The following PTPRG variants were observed in gnomAD, a reference collection of about 807,000 sequenced individuals.
PTPRG encodes protein tyrosine phosphatase receptor type G.
PTPRG carries 102 observed loss-of-function variants against 165.3 expected under a neutral mutation model. That is an observed-to-expected ratio of 0.62 (90% CI 0.53 to 0.73). The LOEUF is 0.73. PTPRG is among the 30% of genes least tolerant of loss of function. The probability of loss-of-function intolerance (pLI) is 0.00; values close to 1 mark genes in which losing one functional copy is unlikely to be tolerated. For synonymous variants in PTPRG, 675 were observed against 669.5 expected, an observed-to-expected ratio of 1.01 and a Z score of -0.13; for missense variants, 1,866 against 1,861.4, an observed-to-expected ratio of 1.00 and a Z score of -0.05.
At chr3:61,729,124 G>C (rs1017926125) in intron 1 of PTPRG, among the ~76,000 whole-genome samples, 4 of 152,010 alleles carry the variant, frequency 2.6e-5, no homozygotes, top group African/African-American at 9.7e-5. Context: ...TAGCTAAAGG[G>C]GCTTACAGAA....
At chr3:62,188,502 C>A in intron 8 of PTPRG, among the ~76,000 whole-genome samples, 1 of 152,184 alleles carries the variant, frequency 6.6e-6, no homozygotes, top group East Asian at 1.9e-4. Flanking sequence ...TGTTCACAAT[C>A]GTTTTCTCTG....
intron 18 of PTPRG, 30 bp downstream of exon 18, chr3:62,267,522 T>C (rs1701920307): frequency 1.3e-6 from 2 of 1,574,310 alleles, no homozygotes; most frequent in African/African-American, 2.7e-5. Context: ...ATAAACCTGT[T>C]TCTAGAAATT....
rs138235368 is a variant in PTPRG at position 61,882,626 on chromosome 3, C to T, written c.191-106999C>T. Reference sequence around the variant, plus strand: ...TGTCAAAAGTGATGTCTTAGAATTACATATCTAAATACCTTGCACATCATG... The same window carrying T: ...TGTCAAAAGTGATGTCTTAGAATTATATATCTAAATACCTTGCACATCATG... On this transcript the variant is annotated intron_variant, in intron 2 of 29. Transcript: ENST00000474889. Among the ~76,000 whole-genome samples the T allele has an allele frequency of 1.3e-3, 199 of 152,286 alleles. 1 individual carries two copies. The highest frequency in any genetic ancestry group is 4.5e-3 in the African/African-American group (186 of 41,572).
At chr3:61,730,726 G>C (rs1459745528) in intron 1 of PTPRG, among the ~76,000 whole-genome samples, 1 of 152,180 alleles carries the variant, frequency 6.6e-6, no homozygotes, top group Non-Finnish European at 1.5e-5. Context: ...AAGATGAGTG[G>C]TCATGTGGTG....
At chr3:61,678,149 C>G (rs566636797) in intron 1 of PTPRG, among the ~76,000 whole-genome samples, 67 of 152,228 alleles carry the variant, frequency 4.4e-4, no homozygotes, top group African/African-American at 1.5e-3. Context: ...GTCTCATAAG[C>G]AAACCAAAGG....
chr3:61,880,622 C>CAAAAAAA (rs35846878), intron 2 of PTPRG, among the ~76,000 whole-genome samples: 5 of 80,236 alleles, frequency 6.2e-5, no homozygotes, highest in African/African-American at 2.2e-4. Context: ...AACCCTGTCT[C>CAAAAAAA]AAAAAAAAAA....
chr3:61,778,426 G>T (rs1032789052), intron 2 of PTPRG, among the ~76,000 whole-genome samples: 5 of 152,158 alleles, frequency 3.3e-5, no homozygotes, highest in Non-Finnish European at 7.3e-5. Context: ...CAACTAATCA[G>T]AGATACTTTC....
chr3:61,712,051 G>A (rs906216078), intron 1 of PTPRG, among the ~76,000 whole-genome samples: 7 of 151,870 alleles, frequency 4.6e-5, no homozygotes, highest in Non-Finnish European at 8.8e-5. Context: ...CTGCTACCAT[G>A]CCCAGTTAAT....
chr3:62,124,501 C>G, intron 5 of PTPRG: 1 of 1,592,406 alleles, frequency 6.3e-7, no homozygotes, highest in Non-Finnish European at 8.6e-7. Flanking sequence ...TCATGTTTTA[C>G]AGCAGGCTCA....
intron 2 of PTPRG, among the ~76,000 whole-genome samples, chr3:61,812,178 A>G (rs1184889347): frequency 6.6e-6 from 1 of 151,878 alleles, no homozygotes; most frequent in East Asian, 2.0e-4. Flanking sequence ...TTTTCTGGCA[A>G]CTTCTTCCTG....
At chr3:61,908,121 TAAAAAAAAAA>T (rs1183592777) in intron 2 of PTPRG, among the ~76,000 whole-genome samples, 2 of 67,152 alleles carry the variant, frequency 3.0e-5, no homozygotes, top group Non-Finnish European at 5.4e-5. Flanking sequence ...CACCTCTCTT[TAAAAAAAAAA>T]AAAAAAAAAA....
Position 61,870,558 on chromosome 3 carries a change from ATT to A in PTPRG, c.191-119050_191-119049del, listed in dbSNP as rs71100986. Among the ~76,000 whole-genome samples, 227 of 48,306 alleles carry A rather than the reference ATT, an allele frequency of 4.7e-3. 9 individuals carry two copies. Among genetic ancestry groups the A allele is most frequent in the African/African-American group, 0.014 (171 of 12,602 alleles). The allele number at this position is 48,306 out of a possible 152,430, so 31.7% of individuals were successfully genotyped here. ...TTTTTTGTATTTTTAGTAGAGATGG[ATT>A]TTTTTTTTTTTTTTTTAACCATGTT... On this transcript the variant is annotated intron_variant, in intron 2 of 29. Transcript: ENST00000474889.
intron 12 of PTPRG, among the ~76,000 whole-genome samples, chr3:62,216,533 G>C (rs1700509710): frequency 6.6e-6 from 1 of 151,778 alleles, no homozygotes; most frequent in African/African-American, 2.4e-5. Context: ...CCAGGTCTTT[G>C]AGATTCCCCC....
chr3:61,573,129 T>C (rs1158534564), intron 1 of PTPRG, among the ~76,000 whole-genome samples: 1 of 152,232 alleles, frequency 6.6e-6, no homozygotes, highest in Non-Finnish European at 1.5e-5. Flanking sequence ...ACTTCCCTGG[T>C]TGATTTGAAT....
At chr3:62,164,913 C>G (rs551460082) in intron 7 of PTPRG, among the ~76,000 whole-genome samples, 10 of 152,212 alleles carry the variant, frequency 6.6e-5, no homozygotes, top group Admixed American at 2.6e-4. Flanking sequence ...TCTGGCATCT[C>G]AGAGATTAAA....
intron 12 of PTPRG, among the ~76,000 whole-genome samples, chr3:62,215,552 C>CT (rs67782375): frequency 1.4e-5 from 2 of 141,474 alleles, no homozygotes; most frequent in African/African-American, 2.6e-5. Flanking sequence ...GGGAACCCCC[C>CT]CCCCCCGCCA....
chr3:62,120,984 G>A lies in PTPRG; in HGVS notation c.616-11618G>A, dbSNP rs920498430. On this transcript the variant is annotated intron_variant, in intron 5 of 29. Coordinates refer to ENST00000474889, the MANE Select transcript of PTPRG (RefSeq NM_002841.4). Reference sequence around the variant, plus strand: ...TTTTCACAAGACAGCCAGCTCTGTCGCCCAGGCTGGAGTGCAGTGGCCCTA... The same window carrying A: ...TTTTCACAAGACAGCCAGCTCTGTCACCCAGGCTGGAGTGCAGTGGCCCTA... Among the ~76,000 whole-genome samples the A allele has an allele frequency of 1.6e-4, 25 of 151,818 alleles. No homozygotes were observed. In the South Asian group the frequency reaches 1.9e-3, roughly 11 times the overall value.
chr3:62,253,939 CA>C (rs1251417485), intron 15 of PTPRG, among the ~76,000 whole-genome samples: 1 of 152,162 alleles, frequency 6.6e-6, no homozygotes, highest in Non-Finnish European at 1.5e-5. Flanking sequence ...CTTCCTAAAA[CA>C]AAGTATAAGA....
At chr3:62,082,381 C>A (rs13098574) in intron 5 of PTPRG, among the ~76,000 whole-genome samples, 3 of 151,996 alleles carry the variant, frequency 2.0e-5, no homozygotes, top group African/African-American at 4.8e-5. Flanking sequence ...TCCAATGAAC[C>A]CTTACATTGG....
Sources: allele counts gnomAD v4.1 joint callset (sites outside exome capture counted in the v4.1 genomes callset), GRCh38; gene constraint gnomAD v4.1.1; transcripts MANE v1.5; gene names NCBI Gene and HGNC (gene_info 2026-07-23, HGNC 2026-07-21).